MATCAP2: variants seen among roughly 807,000 people sequenced by gnomAD.
The protein encoded by MATCAP2 is putative tyrosine carboxypeptidase MATCAP2.
the MATCAP2 span, among the ~76,000 whole-genome samples, chr7:36,339,464 T>C: frequency 5.9e-5 from 9 of 152,214 alleles, no homozygotes; most frequent in Admixed American, 5.9e-4. Flanking sequence ...ACTTACCACC[T>C]TCATGCCTAT....
At chr7:36,377,828 C>G in the MATCAP2 span, among the ~76,000 whole-genome samples, 1 of 152,164 alleles carries the variant, frequency 6.6e-6, no homozygotes, top group African/African-American at 2.4e-5. Context: ...CTAAACTTCT[C>G]TTCTCACTTC....
chr7:36,356,837 A>G, the MATCAP2 span: 1 of 1,308,246 alleles, frequency 7.6e-7, no homozygotes, highest in Admixed American at 1.7e-5. Context: ...GTTTTTGCTT[A>G]TAAGATCACA....
chr7:36,333,710 GT>G, the MATCAP2 span: 1 of 646,594 alleles, frequency 1.5e-6, no homozygotes, highest in Non-Finnish European at 2.5e-6. Flanking sequence ...AGAAAATGTG[GT>G]TTGGGAAAAC....
chr7:36,338,702 C>T, the MATCAP2 span, among the ~76,000 whole-genome samples: 1 of 152,166 alleles, frequency 6.6e-6, no homozygotes, highest in South Asian at 2.1e-4. Flanking sequence ...CCCATCTCAG[C>T]CTCCCAAAAT....
the MATCAP2 span, among the ~76,000 whole-genome samples, chr7:36,383,516 A>G: frequency 6.6e-6 from 1 of 152,176 alleles, no homozygotes; most frequent in Non-Finnish European, 1.5e-5. Context: ...CTTTGCAGGG[A>G]CATGGATGAA....
the MATCAP2 span, among the ~76,000 whole-genome samples, chr7:36,373,744 C>G: frequency 6.6e-6 from 1 of 152,106 alleles, no homozygotes; most frequent in African/African-American, 2.4e-5. Flanking sequence ...CACACCCAGC[C>G]TAGTTTCAAT....
At chr7:36,326,509 CAGT>C in the MATCAP2 span, 1 of 274,062 alleles carries the variant, frequency 3.6e-6, no homozygotes, top group Admixed American at 5.1e-5. Flanking sequence ...AAATGCTCAG[CAGT>C]AGTATTTTCA....
chr7:36,337,784 C>T, the MATCAP2 span: 4 of 152,128 alleles, frequency 2.6e-5, no homozygotes, highest in Non-Finnish European at 2.9e-5. Context: ...TGGCCTCAGC[C>T]TCCTCATTTG....
At chr7:36,336,082 TAAATA>T in the MATCAP2 span, 1,191 of 1,156,058 alleles carry the variant, frequency 1.0e-3, 8 homozygotes, top group African/African-American at 0.016. Context: ...AAAAATAAAA[TAAATA>T]AAATAAAATA....
the MATCAP2 span, among the ~76,000 whole-genome samples, chr7:36,375,491 C>T: frequency 1.3e-5 from 2 of 152,112 alleles, no homozygotes; most frequent in African/African-American, 4.8e-5. Flanking sequence ...TTCGGTTTGC[C>T]AGTATTTTAT....
the MATCAP2 span, among the ~76,000 whole-genome samples, chr7:36,345,639 T>C: frequency 3.0e-4 from 45 of 152,160 alleles, no homozygotes; most frequent in Non-Finnish European, 5.4e-4. Context: ...GCTGGGACAA[T>C]TGGATATCCA....
At chr7:36,389,652 G>T in the MATCAP2 span, among the ~76,000 whole-genome samples, 1 of 152,144 alleles carries the variant, frequency 6.6e-6, no homozygotes, top group African/African-American at 2.4e-5. Flanking sequence ...CGACGCCGTT[G>T]GAGAGCAGGA....
chr7:36,374,331 T>A, the MATCAP2 span, among the ~76,000 whole-genome samples: 7 of 151,936 alleles, frequency 4.6e-5, no homozygotes, highest in Non-Finnish European at 8.8e-5. Flanking sequence ...CCTCCTGCCT[T>A]GCCCTCCCAA....
the MATCAP2 span, among the ~76,000 whole-genome samples, chr7:36,376,776 T>C: frequency 6.6e-6 from 1 of 152,244 alleles, no homozygotes; most frequent in Non-Finnish European, 1.5e-5. Context: ...TGGGTGCTCC[T>C]GTATTGGGTG....
the MATCAP2 span, among the ~76,000 whole-genome samples, chr7:36,338,103 T>A: frequency 6.6e-6 from 1 of 152,112 alleles, no homozygotes. Context: ...ACAAGACTGA[T>A]AAAGAAGGAA....
chr7:36,337,125 A>AAAAAAAAG, the MATCAP2 span, among the ~76,000 whole-genome samples: 1 of 145,554 alleles, frequency 6.9e-6, no homozygotes, highest in Non-Finnish European at 1.5e-5. Context: ...AAAAAAAAAA[A>AAAAAAAAG]GCAATCAGTC....
chr7:36,356,744 T>C, the MATCAP2 span: 1 of 673,688 alleles, frequency 1.5e-6, no homozygotes, highest in Non-Finnish European at 2.6e-6. Context: ...ATACAGGTAA[T>C]ACTCGTCTTG....
chr7:36,386,555 C>A, the MATCAP2 span, among the ~76,000 whole-genome samples: 1 of 151,566 alleles, frequency 6.6e-6, no homozygotes, highest in African/African-American at 2.4e-5. Context: ...AATTGGCAAG[C>A]CGAAAAACCA....
At chr7:36,381,707 C>T in the MATCAP2 span, among the ~76,000 whole-genome samples, 5 of 151,278 alleles carry the variant, frequency 3.3e-5, no homozygotes, top group South Asian at 4.2e-4. Context: ...ATTGTGGTCC[C>T]GGAGAATACA....
Sources: gnomAD v4.1 joint callset for allele counts (sites outside exome capture counted in the v4.1 genomes callset) on GRCh38, gnomAD v4.1.1 for gene constraint, MANE v1.5 for transcripts, NCBI Gene and HGNC (gene_info 2026-07-23, HGNC 2026-07-21) for gene names.